Variants in FNIP1 observed in about 807,000 individuals in gnomAD.
FNIP1 encodes the protein folliculin interacting protein 1.
Under a neutral mutation model 124.5 loss-of-function variants are expected in FNIP1, and 40 were observed. The ratio of observed to expected loss-of-function variants is 0.32; its 90% confidence interval spans 0.25 to 0.42. FNIP1 has a LOEUF of 0.42. FNIP1 is among the 10% of genes least tolerant of loss of function. The pLI, the probability that FNIP1 is intolerant of heterozygous loss-of-function variation, is 1.00. For missense variants in FNIP1, 1,176 were observed against 1,403.7 expected (o/e 0.84, Z 2.59); for synonymous variants, 472 against 470.6 (o/e 1.00, Z -0.04).
intron 1 of FNIP1, among the ~76,000 whole-genome samples, chr5:131,750,192 G>C (rs927230100): frequency 6.6e-6 from 1 of 152,120 alleles, no homozygotes; most frequent in African/African-American, 2.4e-5. Flanking sequence ...TATGGAAATG[G>C]AGTATAAGAC....
chr5:131,644,679 G>C lies in FNIP1; in HGVS notation c.*6C>G, dbSNP rs1766815008. ...TCCCACCAATTTCTAACAATTTTTA[G>C]GTATATTAAAGGAGTATTTGTGCAA... On this transcript the variant is annotated 3_prime_UTR_variant, in exon 18 of 18. Coordinates refer to ENST00000510461, the MANE Select transcript of FNIP1 (RefSeq NM_133372.3). The C allele has an allele frequency of 6.2e-7, 1 of 1,612,020 alleles. No individual in the cohort carries two copies. The highest frequency in any genetic ancestry group is 1.7e-5 in the Admixed American group (1 of 59,928).
chr5:131,654,714 T>C (rs1175115066), intron 15 of FNIP1, among the ~76,000 whole-genome samples: 2 of 152,160 alleles, frequency 1.3e-5, no homozygotes, highest in African/African-American at 2.4e-5. Flanking sequence ...TTGAAGTGTA[T>C]AGATAGGACT....
chr5:131,652,125 C>A (rs901556506), intron 15 of FNIP1, 126 bp from the exon 16 acceptor site: 8 of 762,898 alleles, frequency 1.0e-5, no homozygotes, highest in Admixed American at 8.7e-5. Flanking sequence ...ATTTCAATAT[C>A]TCCTTGACCA....
At chr5:131,719,245 T>C (rs1040543910) in intron 4 of FNIP1, 72 bp downstream of exon 4, 5 of 1,373,786 alleles carry the variant, frequency 3.6e-6, no homozygotes, top group Admixed American at 2.1e-5. Flanking sequence ...GAAGATCATA[T>C]AAAATTCTCT....
intron 14 of FNIP1, among the ~76,000 whole-genome samples, chr5:131,670,885 T>C (rs568920715): frequency 6.6e-6 from 1 of 152,232 alleles, no homozygotes; most frequent in Non-Finnish European, 1.5e-5. Flanking sequence ...AAATACTCCT[T>C]CTTATTCAGA....
chr5:131,735,588 G>GTATTTATATATGTATACATATACACA (rs970754208), intron 2 of FNIP1, among the ~76,000 whole-genome samples: 2 of 146,918 alleles, frequency 1.4e-5, no homozygotes, highest in African/African-American at 5.0e-5. Context: ...ACATATACAC[G>GTATTTATATATGTATACATATACACA]TATTTATATA....
Position 131,683,572 on chromosome 5 carries a change from AC to A in FNIP1, c.1203-4398del, listed in dbSNP as rs1240098826. 1.2e-3 allele frequency among the ~76,000 whole-genome samples: 175 copies of A among 150,836 alleles called. 1 individual carries two copies. The highest frequency in any genetic ancestry group is 1.7e-3 in the Non-Finnish European group (117 of 67,768). ...CGTCTCAAAAAAAAAAAAAAAAAAA[AC>A]CATCTCTAGAGTACTTATAATACCA... On this transcript the variant is annotated intron_variant, in intron 11 of 17. Coordinates refer to ENST00000510461, the MANE Select transcript of FNIP1 (RefSeq NM_133372.3).
chr5:131,759,936 A>G (rs1183424497), intron 1 of FNIP1, among the ~76,000 whole-genome samples: 1 of 152,264 alleles, frequency 6.6e-6, no homozygotes, highest in Non-Finnish European at 1.5e-5. Context: ...TGTCCTTTGC[A>G]GCAACATGGA....
intron 1 of FNIP1, among the ~76,000 whole-genome samples, chr5:131,785,145 T>C (rs74811203): frequency 0.052 from 467 of 9,032 alleles, 10 homozygotes; most frequent in Non-Finnish European, 0.072. Context: ...ATATATATAG[T>C]CATATATATG....
chr5:131,736,473 C>T (rs761046227), intron 2 of FNIP1, among the ~76,000 whole-genome samples: 13 of 152,288 alleles, frequency 8.5e-5, no homozygotes, highest in South Asian at 6.2e-4. Flanking sequence ...TTAAGTACTA[C>T]GCGTTCTAAG....
intron 13 of FNIP1, among the ~76,000 whole-genome samples, chr5:131,673,809 G>T (rs752155349): frequency 3.9e-5 from 6 of 151,954 alleles, no homozygotes; most frequent in Non-Finnish European, 8.8e-5. Context: ...GCCGAGATGG[G>T]TGGATCACTT....
intron 11 of FNIP1, among the ~76,000 whole-genome samples, chr5:131,686,187 A>G (rs1170126771): frequency 6.6e-6 from 1 of 152,228 alleles, no homozygotes; most frequent in African/African-American, 2.4e-5. Context: ...CTGAAGAATC[A>G]GAAATTGCTC....
At chr5:131,704,750 C>T (rs1379008622) in intron 9 of FNIP1, among the ~76,000 whole-genome samples, 3 of 152,106 alleles carry the variant, frequency 2.0e-5, no homozygotes, top group South Asian at 2.1e-4. Context: ...GAATGAATTA[C>T]CTTGCCAAAA....
rs115985785 is a variant in FNIP1, at chr5:131,688,221, G to C, written c.1203-9046C>G. On this transcript the variant is annotated intron_variant, in intron 11 of 17. Coordinates refer to ENST00000510461, the MANE Select transcript of FNIP1 (RefSeq NM_133372.3). ...ACAAATGCAGATTACAACTAAAAGA[G>C]CTGCAGGACACAGAATCTATTCAAA... is the stretch of plus-strand genomic sequence containing the variant. 1.6e-3 allele frequency among the ~76,000 whole-genome samples: 240 copies of C among 151,414 alleles called. 1 individual carries two copies. Among genetic ancestry groups the C allele is most frequent in the African/African-American group, 5.6e-3 (230 of 41,216 alleles).
chr5:131,710,805 C>T (rs1312366457), intron 6 of FNIP1, 144 bp from the exon 7 acceptor site: 3 of 572,046 alleles, frequency 5.2e-6, no homozygotes, highest in Non-Finnish European at 6.1e-6. Flanking sequence ...AGAATTCAAG[C>T]TGTCTTTCCC....
chr5:131,671,647 T>G lies in FNIP1; in HGVS notation c.2797A>C (p.Ile933Leu), dbSNP rs374086314. 14 of 1,614,074 alleles carry G rather than the reference T, an allele frequency of 8.7e-6. No individual in the cohort carries two copies. Among genetic ancestry groups the G allele is most frequent in the African/African-American group, 8.0e-5 (6 of 74,956 alleles). Reference protein sequence around the residue: ...KKIAVGTEWDIPRNESSDSAL... With the variant: ...KKIAVGTEWDLPRNESSDSAL... ...CTGTCTGAACTTTCATTTCTTGGAATGTCCCATTCAGTTCCTACAGCAATT... is the reference window on the plus strand; with the variant it reads ...CTGTCTGAACTTTCATTTCTTGGAAGGTCCCATTCAGTTCCTACAGCAATT... Residue 933 changes from isoleucine (I) to leucine (L), a missense_variant, in exon 14 of 18, where the codon ATT becomes CTT. Transcript: ENST00000510461.
chr5:131,653,349 C>G (rs2149504985), intron 15 of FNIP1, among the ~76,000 whole-genome samples: 1 of 152,184 alleles, frequency 6.6e-6, no homozygotes, highest in South Asian at 2.1e-4. Flanking sequence ...ACCAACCTGG[C>G]CAATATGGTG....
chr5:131,715,647 A>G (rs1404119481), intron 6 of FNIP1, among the ~76,000 whole-genome samples: 2 of 152,140 alleles, frequency 1.3e-5, no homozygotes, highest in Non-Finnish European at 2.9e-5. Context: ...GAGTTAAGAA[A>G]ATGCAGAACT....
At chr5:131,787,950 A>T (rs1014955691) in intron 1 of FNIP1, among the ~76,000 whole-genome samples, 5 of 152,304 alleles carry the variant, frequency 3.3e-5, no homozygotes, top group Non-Finnish European at 7.4e-5. Context: ...CTCCAACTCA[A>T]GCCTGGGTGA....
Sources: gnomAD v4.1 joint callset for allele counts (sites outside exome capture counted in the v4.1 genomes callset) on GRCh38, gnomAD v4.1.1 for gene constraint, MANE v1.5 for transcripts, NCBI Gene and HGNC (gene_info 2026-07-23, HGNC 2026-07-21) for gene names.